TENM4: variants seen among roughly 807,000 people sequenced by gnomAD.
The protein encoded by TENM4 is teneurin-4.
A neutral mutation model predicts 243.3 loss-of-function variants in TENM4; 82 were observed. The ratio of observed to expected loss-of-function variants is 0.34; its 90% CI spans 0.28 to 0.40. The LOEUF (loss-of-function observed/expected upper bound fraction) is 0.40. Among genes scored for constraint, TENM4 ranks in the 10% least tolerant of loss-of-function variants. The probability of loss-of-function intolerance (pLI) is 1.00; values close to 1 mark genes in which losing one functional copy is unlikely to be tolerated. For synonymous variants in TENM4, 1,412 were observed against 1,456.3 expected (o/e 0.97, Z 0.69); for missense variants, 3,138 against 3,673.3 (o/e 0.85, Z 3.77).
chr11:79,248,748 C>T (rs1392496383), intron 2 of TENM4, among the ~76,000 whole-genome samples: 1 of 151,238 alleles, frequency 6.6e-6, no homozygotes, highest in African/African-American at 2.5e-5. Flanking sequence ...ATCTTCTGCT[C>T]GATATGGTCA....
At chr11:79,059,332 C>G (rs149307703) in intron 6 of TENM4, among the ~76,000 whole-genome samples, 3 of 152,296 alleles carry the variant, frequency 2.0e-5, no homozygotes, top group African/African-American at 7.2e-5. Flanking sequence ...TCTCAGATCC[C>G]TCACACTCAG....
intron 28 of TENM4, among the ~76,000 whole-genome samples, chr11:78,690,089 T>G (rs1858782136): frequency 6.6e-6 from 1 of 150,776 alleles, no homozygotes; most frequent in Non-Finnish European, 1.5e-5. Context: ...TCCTTTCTCT[T>G]TCTTAGTACG....
chr11:78,917,142 C>T (rs1466913958), intron 6 of TENM4, among the ~76,000 whole-genome samples: 1 of 152,162 alleles, frequency 6.6e-6, no homozygotes, highest in African/African-American at 2.4e-5. Context: ...AAGGACAATC[C>T]TAAGATATGG....
chr11:79,307,997 T>A (rs1220230870), intron 1 of TENM4, among the ~76,000 whole-genome samples: 1 of 152,228 alleles, frequency 6.6e-6, no homozygotes, highest in East Asian at 1.9e-4. Context: ...TTGGGAGATG[T>A]TGGTCTGATG....
chr11:78,900,293 T>C (rs973317838), intron 7 of TENM4, among the ~76,000 whole-genome samples: 3 of 152,248 alleles, frequency 2.0e-5, no homozygotes, highest in African/African-American at 7.2e-5. Flanking sequence ...TCTTGGTCCA[T>C]AGCTAGTGAG....
chr11:78,879,946 C>G (rs1052408396), intron 9 of TENM4, among the ~76,000 whole-genome samples: 1 of 152,128 alleles, frequency 6.6e-6, no homozygotes, highest in Non-Finnish European at 1.5e-5. Context: ...GTGTACCCAA[C>G]AGCTCCAAAG....
intron 4 of TENM4, among the ~76,000 whole-genome samples, chr11:79,119,963 T>C (rs997240183): frequency 5.3e-5 from 8 of 152,224 alleles, no homozygotes; most frequent in Admixed American, 1.3e-4. Flanking sequence ...ACATATTCCG[T>C]TGGCACCAGG....
At chr11:78,844,930 T>C (rs1275882849) in intron 12 of TENM4, among the ~76,000 whole-genome samples, 2 of 152,240 alleles carry the variant, frequency 1.3e-5, no homozygotes, top group African/African-American at 4.8e-5. Flanking sequence ...ACTCTTTTCT[T>C]GTATTTTTCT....
intron 1 of TENM4, among the ~76,000 whole-genome samples, chr11:79,344,614 C>T (rs768612174): frequency 9.2e-5 from 14 of 152,334 alleles, no homozygotes; most frequent in Non-Finnish European, 1.5e-4. Context: ...TGCAAGAGTG[C>T]AGACCATTTT....
intron 1 of TENM4, among the ~76,000 whole-genome samples, chr11:79,388,633 T>G (rs1000091781): frequency 6.6e-6 from 1 of 152,180 alleles, no homozygotes; most frequent in African/African-American, 2.4e-5. Flanking sequence ...CCTAATCCCT[T>G]TATTCCTCTG....
intron 9 of TENM4, among the ~76,000 whole-genome samples, chr11:78,872,009 A>T (rs1309170190): frequency 6.6e-6 from 1 of 152,228 alleles, no homozygotes; most frequent in Non-Finnish European, 1.5e-5. Flanking sequence ...TAGTATTAGT[A>T]ACTCCATTTT....
chr11:78,863,231 C>T (rs1202726858), intron 9 of TENM4, 99 bp from the exon 10 acceptor site: 2 of 1,310,220 alleles, frequency 1.5e-6, no homozygotes, highest in South Asian at 1.8e-5. Context: ...GGAACACAGG[C>T]ATTCAGTTCA....
chr11:79,072,941 A>G (rs915092376), intron 4 of TENM4, among the ~76,000 whole-genome samples: 18 of 152,182 alleles, frequency 1.2e-4, no homozygotes, highest in Non-Finnish European at 7.3e-5. Flanking sequence ...ATATTTAATT[A>G]TTGCTTGCTT....
chr11:79,244,106 A>AC (rs1236588798), intron 2 of TENM4, among the ~76,000 whole-genome samples: 5 of 152,158 alleles, frequency 3.3e-5, no homozygotes, highest in Non-Finnish European at 5.9e-5. Context: ...GCCCCTTAGA[A>AC]CACAAGTTGC....
chr11:79,155,165 C>T (rs1020286782), intron 3 of TENM4, among the ~76,000 whole-genome samples: 1 of 152,110 alleles, frequency 6.6e-6, no homozygotes, highest in African/African-American at 2.4e-5. Context: ...CCTAGAGAGG[C>T]AAACCCTAGC....
chr11:79,099,962 G>T (rs145528622), intron 4 of TENM4, among the ~76,000 whole-genome samples: 4 of 152,206 alleles, frequency 2.6e-5, no homozygotes, highest in African/African-American at 9.6e-5. Context: ...GGGAGATGCT[G>T]TTCATAGCAG....
chr11:78,828,070 T>C (rs1945246), intron 12 of TENM4, among the ~76,000 whole-genome samples: 2 of 152,024 alleles, frequency 1.3e-5, no homozygotes, highest in African/African-American at 4.8e-5. Context: ...GTCAACACTT[T>C]TTAAATATCA....
chr11:79,282,547 C>G, intron 2 of TENM4, among the ~76,000 whole-genome samples: 1 of 152,176 alleles, frequency 6.6e-6, no homozygotes, highest in East Asian at 1.9e-4. Flanking sequence ...CCAATTTCAG[C>G]CAGTAACATT....
chr11:79,275,154 C>T (rs557950297), intron 2 of TENM4, among the ~76,000 whole-genome samples: 9 of 152,144 alleles, frequency 5.9e-5, no homozygotes, highest in Non-Finnish European at 1.0e-4. Flanking sequence ...CTAAAAATCA[C>T]CAAGTTAAAA....
Sources: allele counts gnomAD v4.1 joint callset (sites outside exome capture counted in the v4.1 genomes callset), GRCh38; gene constraint gnomAD v4.1.1; transcripts MANE v1.5; gene names NCBI Gene and HGNC (gene_info 2026-07-23, HGNC 2026-07-21).